The following PIK3C3 variants were observed in gnomAD, a reference collection of about 807,000 sequenced individuals.
PIK3C3 encodes PI3-kinase type 3.
In PIK3C3, 95 loss-of-function variants were observed where a neutral mutation model predicts 126.1. That is an observed-to-expected ratio of 0.75 (90% CI 0.64 to 0.89). The LOEUF (loss-of-function observed/expected upper bound fraction) is 0.89. PIK3C3 is among the 40% of genes least tolerant of loss of function. PIK3C3 has a pLI of 0.00. For synonymous variants in PIK3C3, 374 were observed against 360.0 expected, an observed-to-expected ratio of 1.04 and a Z score of -0.44; for missense variants, 829 against 1,063.2, an observed-to-expected ratio of 0.78 and a Z score of 3.06.
intron 24 of PIK3C3, among the ~76,000 whole-genome samples, chr18:42,077,954 G>A (rs1986089885): frequency 6.6e-6 from 1 of 152,210 alleles, no homozygotes; most frequent in African/African-American, 2.4e-5. Context: ...TGTTGAATTA[G>A]CAGGCATTAA....
intron 9 of PIK3C3, among the ~76,000 whole-genome samples, chr18:42,003,229 A>T (rs779771345): frequency 7.2e-5 from 11 of 152,178 alleles, no homozygotes; most frequent in Admixed American, 1.3e-4. Flanking sequence ...CCAAGTAGAC[A>T]TTTTCTTGAG....
chr18:42,048,734 A>G (rs557858660), intron 20 of PIK3C3, among the ~76,000 whole-genome samples: 1 of 152,334 alleles, frequency 6.6e-6, no homozygotes, highest in East Asian at 1.9e-4. Context: ...GAACAGGGTT[A>G]TAAGTTCATT....
intron 9 of PIK3C3, among the ~76,000 whole-genome samples, chr18:41,999,858 AT>A (rs1412203029): frequency 1.3e-5 from 2 of 152,012 alleles, no homozygotes; most frequent in Non-Finnish European, 2.9e-5. Context: ...TTTGGTGGTC[AT>A]TTTTTTATGG....
At chr18:42,045,007 C>A (rs1242914512) in intron 20 of PIK3C3, among the ~76,000 whole-genome samples, 1 of 152,166 alleles carries the variant, frequency 6.6e-6, no homozygotes, top group East Asian at 1.9e-4. Flanking sequence ...TTTCACAACA[C>A]CCCTGTGAAG....
intron 24 of PIK3C3, among the ~76,000 whole-genome samples, chr18:42,070,068 C>G (rs147590039): frequency 0.011 from 1,634 of 152,234 alleles, 22 homozygotes; most frequent in African/African-American, 0.037. Flanking sequence ...AGGTCTGGCA[C>G]TTAGGTGTTC....
intron 24 of PIK3C3, among the ~76,000 whole-genome samples, chr18:42,068,413 T>C (rs1420501518): frequency 6.6e-6 from 1 of 152,212 alleles, no homozygotes; most frequent in Non-Finnish European, 1.5e-5. Flanking sequence ...ACAACTTTGC[T>C]GCTGTCATTT....
chr18:41,987,941 T>G (rs767896767), intron 5 of PIK3C3, 43 bp downstream of exon 5: 2 of 1,202,924 alleles, frequency 1.7e-6, no homozygotes, highest in Non-Finnish European at 2.4e-6. Flanking sequence ...TTTCTGTAAA[T>G]TTTTAAATTA....
intron 19 of PIK3C3, among the ~76,000 whole-genome samples, chr18:42,042,422 C>A (rs911781110): frequency 6.6e-6 from 1 of 152,090 alleles, no homozygotes; most frequent in Admixed American, 6.5e-5. Flanking sequence ...GTAAGACCTT[C>A]TAGCAAGTCA....
chr18:41,973,536 A>C (rs905935375), intron 4 of PIK3C3, among the ~76,000 whole-genome samples: 5 of 152,054 alleles, frequency 3.3e-5, no homozygotes, highest in African/African-American at 1.2e-4. Context: ...ACTTAAAATT[A>C]TTTTGACTGA....
Position 42,020,703 on chromosome 18 carries a change from CT to C in PIK3C3, c.1483del (p.Trp495GlyfsTer3). ...ACTCAACACTGGCTAATTATTTATA[CT>C]GGTATGTAAAAATAATTTTCTGTTT... ...KNSTLANYLYWYVIVECEDQD... is the reference protein window; with the variant it reads ...KNSTLANYLYXYVIVECEDQD... On this transcript the variant is annotated frameshift_variant and splice_region_variant, in exon 13 of 25. Transcript: ENST00000262039. LOFTEE classifies it high-confidence loss of function. The C allele has an allele frequency of 2.6e-6, 4 of 1,549,194 alleles. No homozygotes were observed. Among genetic ancestry groups the C allele is most frequent in the Non-Finnish European group, 3.6e-6 (4 of 1,123,776 alleles).
intron 7 of PIK3C3, among the ~76,000 whole-genome samples, chr18:41,995,504 A>C (rs561947142): frequency 6.6e-6 from 1 of 152,178 alleles, no homozygotes; most frequent in South Asian, 2.1e-4. Flanking sequence ...TAAGATGATA[A>C]TACAGTGACA....
chr18:42,038,681 C>A lies in PIK3C3; in HGVS notation c.1969-100C>A, dbSNP rs918145442. 8 of 731,566 alleles carry A rather than the reference C, an allele frequency of 1.1e-5. No individual in the cohort carries two copies. In the African/African-American group the frequency reaches 1.3e-4, roughly 12 times the overall value. The allele number at this position is 731,566 out of a possible 1,614,324, so 45.3% of individuals were successfully genotyped here. On this transcript the variant is annotated intron_variant, in intron 17 of 24. Coordinates refer to ENST00000262039, the MANE Select transcript of PIK3C3 (RefSeq NM_002647.4). Reference sequence around the variant, plus strand: ...TTTAAACTTAATTTAGCTTAACTTCCTAAATCTTTATTACATTAAACTGCT... The same window carrying A: ...TTTAAACTTAATTTAGCTTAACTTCATAAATCTTTATTACATTAAACTGCT...
intron 10 of PIK3C3, among the ~76,000 whole-genome samples, chr18:42,010,155 G>A (rs577730231): frequency 2.0e-5 from 3 of 152,076 alleles, no homozygotes; most frequent in African/African-American, 7.2e-5. Context: ...TGAATCTTTT[G>A]TTGTCATTTC....
intron 24 of PIK3C3, 129 bp from the exon 25 acceptor site, chr18:42,080,994 A>G: frequency 1.7e-6 from 1 of 580,700 alleles, no homozygotes; most frequent in Non-Finnish European, 3.1e-6. Context: ...TCCTCTTGGT[A>G]GCATTTAGCA....
intron 4 of PIK3C3, among the ~76,000 whole-genome samples, chr18:41,972,525 C>T (rs1222341871): frequency 6.6e-6 from 1 of 152,068 alleles, no homozygotes; most frequent in African/African-American, 2.4e-5. Flanking sequence ...TACAGTCCTC[C>T]TGATAGTAAT....
chr18:41,974,969 C>G (rs1380153472), intron 4 of PIK3C3, among the ~76,000 whole-genome samples: 1 of 152,100 alleles, frequency 6.6e-6, no homozygotes, highest in Non-Finnish European at 1.5e-5. Context: ...GCTTTAGTTT[C>G]TGTCAGTTTG....
At chr18:42,033,193 G>C (rs1228841816) in intron 15 of PIK3C3, among the ~76,000 whole-genome samples, 1 of 152,160 alleles carries the variant, frequency 6.6e-6, no homozygotes, top group African/African-American at 2.4e-5. Flanking sequence ...AAATAGTATA[G>C]ATGTTGCTTA....
intron 9 of PIK3C3, among the ~76,000 whole-genome samples, chr18:41,997,155 C>T (rs1982067135): frequency 6.6e-6 from 1 of 152,068 alleles, no homozygotes; most frequent in Admixed American, 6.6e-5. Flanking sequence ...CTTCTTCTTA[C>T]CTCTTTGAAC....
In PIK3C3 at chr18:41,958,027, AC is replaced by A. The variant is rs959771567; in HGVS notation, c.257+270del. Among the ~76,000 whole-genome samples the A allele has an allele frequency of 2.6e-4, 40 of 152,214 alleles. 1 individual carries two copies. Among genetic ancestry groups the A allele is most frequent in the Admixed American group, 2.0e-3 (31 of 15,280 alleles). Reference sequence around the variant, plus strand: ...GATTTACATGACCAAAAACAAAAACACGTCTGTGGCATTTTAAAATTCTTTA... The same window carrying A: ...GATTTACATGACCAAAAACAAAAACAGTCTGTGGCATTTTAAAATTCTTTA... On this transcript the variant is annotated intron_variant, in intron 2 of 24. Coordinates refer to ENST00000262039, the MANE Select transcript of PIK3C3 (RefSeq NM_002647.4).
Sources: gnomAD v4.1 joint callset for allele counts (sites outside exome capture counted in the v4.1 genomes callset) on GRCh38, gnomAD v4.1.1 for gene constraint, MANE v1.5 for transcripts, NCBI Gene and HGNC (gene_info 2026-07-23, HGNC 2026-07-21) for gene names.